IQCN: variants seen among roughly 807,000 people sequenced by gnomAD.
IQCN encodes the protein IQ domain-containing protein N.
Under a neutral mutation model 64.4 loss-of-function variants are expected in IQCN, and 46 were observed. That is an observed-to-expected ratio of 0.71 (90% confidence interval 0.56 to 0.91). IQCN has a LOEUF of 0.91. Among genes scored for constraint, IQCN ranks in the 40% least tolerant of loss-of-function variants. IQCN has a pLI of 0.00. For missense variants in IQCN, 1,753 were observed against 1,857.4 expected (o/e 0.94, Z 1.03); for synonymous variants, 733 against 775.6 (o/e 0.95, Z 0.91).
intron 3 of IQCN, among the ~76,000 whole-genome samples, chr19:18,263,076 T>C (rs1466835916): frequency 1.3e-5 from 2 of 152,140 alleles, no homozygotes; most frequent in African/African-American, 4.8e-5. Flanking sequence ...GTAGGGGAAG[T>C]GTAGGGTCAT....
chr19:18,257,394 G>C lies in IQCN; in HGVS notation c.3890C>G (p.Pro1297Arg). 3 of 1,610,928 alleles carry C rather than the reference G, an allele frequency of 1.9e-6. No homozygotes were observed. Among genetic ancestry groups the C allele is most frequent in the Non-Finnish European group, 2.5e-6 (3 of 1,179,574 alleles). ...YQLAALSPRQ[P>R]HRQDKAATAI... ...TGTGGCCGCTTTGTCCTGGCGATGC[G>C]GCTGCCTGGGACTCAGGGCAGCCAG... Residue 1297 changes from proline to arginine, a missense_variant, in exon 4 of 4, where the codon CCG (proline) becomes CGG (arginine). Coordinates refer to ENST00000392413, the MANE Select transcript of IQCN (RefSeq NM_001145304.2).
In IQCN at chr19:18,257,389, G is replaced by C. The variant is rs757947773; in HGVS notation, c.3895C>G (p.Arg1299Gly). 1.9e-6 allele frequency: 3 copies of C among 1,611,302 alleles called. No individual in the cohort carries two copies. Among genetic ancestry groups the C allele is most frequent in the Admixed American group, 1.7e-5 (1 of 60,006 alleles). The change falls in exon 4 of 4, where the codon CGC becomes GGC. Residue 1299 changes from arginine to glycine, a missense_variant. Coordinates refer to ENST00000392413, the MANE Select transcript of IQCN (RefSeq NM_001145304.2). The stretch of plus-strand genomic sequence containing the variant: ...ATGGCTGTGGCCGCTTTGTCCTGGC[G>C]ATGCGGCTGCCTGGGACTCAGGGCA... ...LAALSPRQPH[R>G]QDKAATAIQS... is the part of the protein sequence containing the mutation.
chr19:18,268,833 G>A (rs1010431379), intron 2 of IQCN, among the ~76,000 whole-genome samples: 26 of 151,792 alleles, frequency 1.7e-4, no homozygotes, highest in African/African-American at 4.6e-4. Context: ...ATGGTGGCTC[G>A]TGCCTGTAAT....
intron 2 of IQCN, chr19:18,267,978 A>C (rs1196234813): frequency 6.6e-6 from 1 of 152,072 alleles, no homozygotes; most frequent in Non-Finnish European, 1.5e-5. Flanking sequence ...CTGTATTTTT[A>C]GTAAAGACGG....
Position 18,257,752 on chromosome 19 carries a change from C to T in IQCN, c.3532G>A (p.Asp1178Asn). The T allele has an allele frequency of 2.5e-6, 4 of 1,610,732 alleles. No individual in the cohort carries two copies. The highest frequency in any genetic ancestry group is 3.4e-6 in the Non-Finnish European group (4 of 1,178,746). Reference protein sequence around the residue: ...SAWRGYSTRRDQARHWQMLHP... With the variant: ...SAWRGYSTRRNQARHWQMLHP... ...AGCATCTGCCAGTGCCGGGCTTGGT[C>T]CCGGCGGGTGCTGTAGCCGCGCCAG... Residue 1178 changes from aspartate to asparagine, a missense_variant, in exon 4 of 4, where the codon GAC becomes AAC. Physicochemically the swap from Asp to Asn is conservative, Grantham distance 23. Coordinates refer to ENST00000392413, the MANE Select transcript of IQCN (RefSeq NM_001145304.2).
Position 18,267,132 on chromosome 19 carries a change from G to C in IQCN, c.408C>G (p.Ala136=). The C allele has an allele frequency of 6.2e-7, 1 of 1,614,262 alleles. No homozygotes were observed. Among genetic ancestry groups the C allele is most frequent in the Non-Finnish European group, 8.5e-7 (1 of 1,180,058 alleles). Reference sequence around the variant, plus strand: ...TGTGTCTCTTGTTGAAGCGCCGCCAGGCCTCCTGGATGGCCTTGGCCGCCA... The same window carrying C: ...TGTGTCTCTTGTTGAAGCGCCGCCACGCCTCCTGGATGGCCTTGGCCGCCA... ...QMMAAKAIQE[A]WRRFNKRHIL... The change falls in exon 3 of 4, where the codon GCC becomes GCG. Residue 136 remains alanine (A), a synonymous_variant. Coordinates refer to ENST00000392413, the MANE Select transcript of IQCN (RefSeq NM_001145304.2).
chr19:18,269,386 G>A, intron 2 of IQCN, 80 bp downstream of exon 2: 1 of 1,443,786 alleles, frequency 6.9e-7, no homozygotes, highest in South Asian at 1.1e-5. Flanking sequence ...ATAGCCTGGA[G>A]CACAGCACAC....
At chr19:18,272,655 G>A (rs1969759590) in intron 1 of IQCN, among the ~76,000 whole-genome samples, 2 of 147,586 alleles carry the variant, frequency 1.4e-5, no homozygotes, top group Non-Finnish European at 3.0e-5. Flanking sequence ...CTGTCTCCCA[G>A]GCTGGAGTGC....
At position 18,271,393 on chromosome 19, in the gene IQCN, C is replaced by A. The variant is rs541239196; in HGVS notation, c.-109-1806G>T. On this transcript the variant is annotated intron_variant, in intron 1 of 3. Transcript: ENST00000392413. ...GCTGAGGCGGGAGAATCTCTTGAAC[C>A]CAGTAGGCAAAGGTTGCAGTGAGCT... Among the ~76,000 whole-genome samples, 7 of 151,204 alleles carry A rather than the reference C, an allele frequency of 4.6e-5. No homozygotes were observed. In the East Asian group the frequency reaches 1.4e-3, roughly 29 times the overall value.
chr19:18,258,410 A>C, intron 3 of IQCN: 1 of 620,882 alleles, frequency 1.6e-6, no homozygotes, highest in East Asian at 3.4e-5. Flanking sequence ...GTAAGGGCCT[A>C]ACCCTGGCCA....
chr19:18,257,754 C>G lies in IQCN; in HGVS notation c.3530G>C (p.Arg1177Pro). Residue 1177 changes from arginine (R) to proline (P), a missense_variant, in exon 4 of 4, where the codon CGG becomes CCG. Transcript: ENST00000392413. ...CATCTGCCAGTGCCGGGCTTGGTCCCGGCGGGTGCTGTAGCCGCGCCAGGC... is the reference window on the plus strand; with the variant it reads ...CATCTGCCAGTGCCGGGCTTGGTCCGGGCGGGTGCTGTAGCCGCGCCAGGC... ...QSAWRGYSTR[R>P]DQARHWQMLH... is the part of the protein sequence containing the mutation. The G allele has an allele frequency of 1.2e-6, 2 of 1,610,768 alleles. No homozygotes were observed. Among genetic ancestry groups the G allele is most frequent in the Non-Finnish European group, 1.7e-6 (2 of 1,178,798 alleles).
In IQCN at chr19:18,266,366, G is replaced by T; in HGVS notation, c.1174C>A (p.Pro392Thr). Residue 392 changes from proline (P) to threonine (T), a missense_variant, in exon 3 of 4, where the codon CCT (proline) becomes ACT (threonine). Physicochemically the swap from Pro to Thr is conservative, Grantham distance 38. Transcript: ENST00000392413. The surrounding 1 kb of genome is among the most constrained non-coding windows in gnomAD (Gnocchi z 4.3). ...ATTGTGGGCATGGGGCATGTGTGAGGTGCAGTTTTGGTCACTGTGGGCCCC... is the reference window on the plus strand; with the variant it reads ...ATTGTGGGCATGGGGCATGTGTGAGTTGCAGTTTTGGTCACTGTGGGCCCC... ...YPGPTVTKTA[P>T]HTCPMPTMTK... The T allele has an allele frequency of 6.2e-7, 1 of 1,610,608 alleles. No homozygotes were observed. The highest frequency in any genetic ancestry group is 8.5e-7 in the Non-Finnish European group (1 of 1,178,528).
chr19:18,271,470 A>AAG (rs1969734716), intron 1 of IQCN, among the ~76,000 whole-genome samples: 6 of 147,074 alleles, frequency 4.1e-5, no homozygotes, highest in Admixed American at 4.1e-4. Context: ...ACTCAGTTCA[A>AAG]AAAAAAAAAA....
At chr19:18,260,160 A>C (rs1000940649) in intron 3 of IQCN, 1 of 152,554 alleles carries the variant, frequency 6.6e-6, no homozygotes. Context: ...GGGTGGACAC[A>C]CATGCCTCCC....
At chr19:18,269,174 TAAAG>T (rs1478014260) in intron 2 of IQCN, among the ~76,000 whole-genome samples, 2 of 105,690 alleles carry the variant, frequency 1.9e-5, no homozygotes, top group African/African-American at 8.4e-5. Flanking sequence ...GGAGGGAAAT[TAAAG>T]AGAGCTGGAA....
chr19:18,257,755 G>C lies in IQCN; in HGVS notation c.3529C>G (p.Arg1177Gly), dbSNP rs770013930. Residue 1177 changes from arginine to glycine, a missense_variant, in exon 4 of 4, where the codon CGG (arginine) becomes GGG (glycine). Arg to Gly is a moderately radical substitution (Grantham distance 125). Transcript: ENST00000392413. ...ATCTGCCAGTGCCGGGCTTGGTCCC[G>C]GCGGGTGCTGTAGCCGCGCCAGGCA... ...QSAWRGYSTR[R>G]DQARHWQMLH... 1.2e-6 allele frequency: 2 copies of C among 1,610,986 alleles called. No individual in the cohort carries two copies. Among genetic ancestry groups the C allele is most frequent in the Non-Finnish European group, 1.7e-6 (2 of 1,178,914 alleles).
intron 1 of IQCN, among the ~76,000 whole-genome samples, chr19:18,273,137 T>C (rs180736796): frequency 6.6e-6 from 1 of 151,820 alleles, no homozygotes; most frequent in African/African-American, 2.4e-5. Context: ...TTCAAAGTGA[T>C]TCTCCTGTCT....
At chr19:18,272,832 C>G (rs528439292) in intron 1 of IQCN, among the ~76,000 whole-genome samples, 2 of 150,566 alleles carry the variant, frequency 1.3e-5, no homozygotes, top group African/African-American at 2.4e-5. Flanking sequence ...GGATGGTCTC[C>G]ATCTCCTGAC....
intron 3 of IQCN, among the ~76,000 whole-genome samples, chr19:18,263,565 A>T (rs1969477296): frequency 6.6e-6 from 1 of 152,148 alleles, no homozygotes; most frequent in African/African-American, 2.4e-5. Context: ...TTTGGTCACC[A>T]TGGTGACCTG....
Sources: allele counts gnomAD v4.1 joint callset (sites outside exome capture counted in the v4.1 genomes callset), GRCh38; gene constraint gnomAD v4.1.1; non-coding constraint Gnocchi (gnomAD v3.1); transcripts MANE v1.5; gene names NCBI Gene and HGNC (gene_info 2026-07-23, HGNC 2026-07-21).